The following PIK3R4 variants were observed in gnomAD, a reference collection of about 807,000 sequenced individuals.
PIK3R4 encodes phosphoinositide-3-kinase regulatory subunit 4, also known as phosphoinositide 3-kinase regulatory subunit 4.
In PIK3R4, 46 loss-of-function variants were observed where a neutral mutation model predicts 136.5. The observed-to-expected ratio is 0.34, with a 90% confidence interval of 0.27 to 0.43. The LOEUF is 0.43. Among genes scored for constraint, PIK3R4 ranks in the 20% least tolerant of loss-of-function variants. The probability of loss-of-function intolerance (pLI) is 1.00; values close to 1 mark genes in which losing one functional copy is unlikely to be tolerated. For missense variants in PIK3R4, 1,331 were observed against 1,649.5 expected (o/e 0.81, Z 3.35); for synonymous variants, 557 against 566.7 (o/e 0.98, Z 0.24).
chr3:130,679,569 A>C (rs1445452206), intron 19 of PIK3R4, 84 bp from the exon 20 acceptor site: 9 of 888,456 alleles, frequency 1.0e-5, no homozygotes, highest in African/African-American at 8.4e-5. Flanking sequence ...TGCTTCTGAG[A>C]TACTGTTGTT....
intron 13 of PIK3R4, 82 bp from the exon 14 acceptor site, chr3:130,690,736 AATT>A (rs1219774560): frequency 1.3e-6 from 1 of 783,432 alleles, no homozygotes; most frequent in African/African-American, 1.8e-5. Flanking sequence ...TAGCAAGCAA[AATT>A]ATTACTTTGG....
chr3:130,681,744 T>C (rs1442942175), intron 16 of PIK3R4, among the ~76,000 whole-genome samples, 153 bp from the exon 17 acceptor site: 1 of 152,164 alleles, frequency 6.6e-6, no homozygotes, highest in Non-Finnish European at 1.5e-5. Flanking sequence ...TAATATTTAC[T>C]GAGCCAGTAA....
Position 130,679,451 on chromosome 3 carries a change from T to G in PIK3R4, c.3941A>C (p.Asp1314Ala), listed in dbSNP as rs1435117123. 1 of 1,612,946 alleles carries G rather than the reference T, an allele frequency of 6.2e-7. No homozygotes were observed. Among genetic ancestry groups the G allele is most frequent in the Non-Finnish European group, 8.5e-7 (1 of 1,179,226 alleles). ...CTCTGGGCCCCTTCGAGGGGTGTCA[T>G]CACTTGGTCCTACTTTCTGCTTATT... Reference protein sequence around the residue: ...IQNKQKVGPSDDTPRRGPESL... With the variant: ...IQNKQKVGPSADTPRRGPESL... Residue 1314 changes from aspartate to alanine, a missense_variant, in exon 20 of 20, where the codon GAT becomes GCT. Coordinates refer to ENST00000356763, the MANE Select transcript of PIK3R4 (RefSeq NM_014602.3).
rs1294636750 is a variant in PIK3R4 at position 130,730,455 on chromosome 3, A to T, written c.1451-13T>A. ...AGAGCTATGTTTTCTATAAAATAAA[A>T]AGGAAGAAAATTTATAATTACAATC... On this transcript the variant is annotated splice_polypyrimidine_tract_variant and intron_variant, in intron 4 of 19. Transcript: ENST00000356763. The T allele has an allele frequency of 6.5e-7, 1 of 1,543,820 alleles. No homozygotes were observed. The highest frequency in any genetic ancestry group is 2.3e-5 in the East Asian group (1 of 43,214).
intron 15 of PIK3R4, 118 bp from the exon 16 acceptor site, chr3:130,684,499 T>C: frequency 2.2e-6 from 2 of 915,646 alleles, no homozygotes; most frequent in Non-Finnish European, 3.2e-6. Context: ...ATGCCTTCGT[T>C]ACTTAAAAAA....
At position 130,727,272 on chromosome 3, in the gene PIK3R4, C is replaced by G. The variant is rs1211846021; in HGVS notation, c.1807+1191G>C. Among the ~76,000 whole-genome samples, 9 of 151,824 alleles carry G rather than the reference C, an allele frequency of 5.9e-5. No individual in the cohort carries two copies. In the South Asian group the frequency reaches 1.9e-3, roughly 32 times the overall value. ...GTCTCGCTCTTTCACCCAGGCCTGA[C>G]TGCAGTGGCGCAATCTCAGCTCACT... On this transcript the variant is annotated intron_variant, in intron 6 of 19. Transcript: ENST00000356763.
chr3:130,705,919 ATTTT>A, intron 11 of PIK3R4, 148 bp from the exon 12 acceptor site: 1 of 513,236 alleles, frequency 1.9e-6, no homozygotes, highest in East Asian at 3.1e-5. Context: ...TTACAATTAC[ATTTT>A]TTAGTGAAAA....
chr3:130,728,348 G>A, intron 6 of PIK3R4, 115 bp downstream of exon 6: 1 of 667,304 alleles, frequency 1.5e-6, no homozygotes, highest in South Asian at 2.2e-5. Context: ...AGAAATACTA[G>A]GAATTCATTT....
intron 9 of PIK3R4, among the ~76,000 whole-genome samples, chr3:130,715,490 T>C (rs944442217): frequency 1.3e-5 from 2 of 152,338 alleles, no homozygotes; most frequent in Middle Eastern, 3.4e-3. Flanking sequence ...GTGGTTTTGA[T>C]TTGCATTTCT....
intron 13 of PIK3R4, among the ~76,000 whole-genome samples, chr3:130,700,624 T>C (rs1010817740): frequency 3.3e-5 from 5 of 152,160 alleles, no homozygotes; most frequent in African/African-American, 9.7e-5. Flanking sequence ...CATAATTCAG[T>C]AAGAAAATCA....
In PIK3R4 at chr3:130,723,297, T is replaced by C. The variant is rs529131716; in HGVS notation, c.1981+117A>G. ...CACACATGCACACCCACACAATCAATAGTAGGAACCCCACACAATCAATAG... is the reference window on the plus strand; with the variant it reads ...CACACATGCACACCCACACAATCAACAGTAGGAACCCCACACAATCAATAG... On this transcript the variant is annotated intron_variant, in intron 7 of 19. Transcript: ENST00000356763. 1.1e-3 allele frequency: 881 copies of C among 821,478 alleles called. 4 individuals carry two copies. The highest frequency in any genetic ancestry group is 1.8e-3 in the South Asian group (101 of 55,414). 50.9% of individuals were successfully genotyped at this position (821,478 alleles called of 1,614,324 possible).
chr3:130,742,196 G>A (rs1447774784), intron 2 of PIK3R4, among the ~76,000 whole-genome samples: 2 of 152,182 alleles, frequency 1.3e-5, no homozygotes, highest in Non-Finnish European at 2.9e-5. Context: ...ACTGGGAAGT[G>A]GACAGATGCC....
intron 9 of PIK3R4, 84 bp from the exon 10 acceptor site, chr3:130,708,576 CA>C: frequency 8.6e-7 from 1 of 1,163,226 alleles, no homozygotes; most frequent in South Asian, 1.5e-5. Flanking sequence ...ACTGAAGGGA[CA>C]AATCACCCAA....
intron 14 of PIK3R4, among the ~76,000 whole-genome samples, 163 bp downstream of exon 14, chr3:130,690,327 T>C (rs1394614937): frequency 6.6e-6 from 1 of 151,592 alleles, no homozygotes; most frequent in Non-Finnish European, 1.5e-5. Flanking sequence ...GAAGCACATT[T>C]TTAAAATTTT....
rs1361695476 is a variant in PIK3R4, at chr3:130,728,457, A to T, written c.1807+6T>A. On this transcript the variant is annotated splice_donor_region_variant and intron_variant, in intron 6 of 19. Transcript: ENST00000356763. ...TCTTAAAGGAATTTAAAAGCAAAAA[A>T]CATACCAACTATACTATCAAAAAAT... is the stretch of plus-strand genomic sequence containing the variant. 6.3e-7 allele frequency: 1 copy of T among 1,575,802 alleles called. No individual in the cohort carries two copies. Among genetic ancestry groups the T allele is most frequent in the South Asian group, 1.2e-5 (1 of 86,636 alleles).
chr3:130,735,097 A>G (rs898805735), intron 3 of PIK3R4, among the ~76,000 whole-genome samples: 14 of 151,898 alleles, frequency 9.2e-5, no homozygotes, highest in Non-Finnish European at 4.4e-5. Context: ...CACTACACCA[A>G]CTCCTCATCC....
At position 130,731,502 on chromosome 3, in the gene PIK3R4, G is replaced by A. The variant is rs534103704; in HGVS notation, c.1451-1060C>T. On this transcript the variant is annotated intron_variant, in intron 4 of 19. Transcript: ENST00000356763. Reference sequence around the variant, plus strand: ...TGTAAATACCCTATAACGCCTGCTCGCCCTAAAAATGGAAAAACTCTGGGC... The same window carrying A: ...TGTAAATACCCTATAACGCCTGCTCACCCTAAAAATGGAAAAACTCTGGGC... Among the ~76,000 whole-genome samples the A allele has an allele frequency of 2.1e-4, 32 of 152,100 alleles. 1 individual carries two copies. Among genetic ancestry groups the A allele is most frequent in the Admixed American group, 8.5e-4 (13 of 15,274 alleles).
intron 5 of PIK3R4, 66 bp from the exon 6 acceptor site, chr3:130,728,750 TC>T: frequency 9.0e-7 from 1 of 1,117,098 alleles, no homozygotes; most frequent in Non-Finnish European, 1.3e-6. Context: ...GATCAATTTT[TC>T]CCCATACAGA....
chr3:130,727,922 T>C (rs966650043), intron 6 of PIK3R4, among the ~76,000 whole-genome samples: 14 of 152,128 alleles, frequency 9.2e-5, no homozygotes, highest in African/African-American at 3.4e-4. Context: ...AAATCAAGAA[T>C]TGTAAAATGA....
Sources: gnomAD v4.1 joint callset for allele counts (sites outside exome capture counted in the v4.1 genomes callset) on GRCh38, gnomAD v4.1.1 for gene constraint, MANE v1.5 for transcripts, NCBI Gene and HGNC (gene_info 2026-07-23, HGNC 2026-07-21) for gene names.